Variants in RAB3C observed in about 807,000 individuals in gnomAD.
RAB3C encodes RAB3C, member RAS oncogene family.
In RAB3C, 17 loss-of-function variants were observed where a neutral mutation model predicts 26.4. The ratio of observed to expected loss-of-function variants is 0.64; its 90% CI spans 0.44 to 0.97. The LOEUF is 0.97. Among genes scored for constraint, RAB3C ranks in the 50% least tolerant of loss-of-function variants. The pLI, the probability that RAB3C is intolerant of heterozygous loss-of-function variation, is 0.00. For missense variants in RAB3C, 242 were observed against 281.9 expected (o/e 0.86, Z 1.01); for synonymous variants, 91 against 95.9 (o/e 0.95, Z 0.30).
chr5:58,583,950 C>T (rs897157195), intron 1 of RAB3C, among the ~76,000 whole-genome samples: 2 of 152,170 alleles, frequency 1.3e-5, no homozygotes, highest in Non-Finnish European at 2.9e-5. Context: ...TGCAGAAGTA[C>T]CACTGCCTAA....
chr5:58,708,874 A>G (rs969604737), intron 2 of RAB3C, among the ~76,000 whole-genome samples: 2 of 152,194 alleles, frequency 1.3e-5, no homozygotes, highest in Non-Finnish European at 2.9e-5. Flanking sequence ...AAAGAATTAA[A>G]TTTTGCTGTA....
chr5:58,586,462 A>C (rs1053887450), intron 1 of RAB3C, among the ~76,000 whole-genome samples: 3 of 152,106 alleles, frequency 2.0e-5, no homozygotes, highest in Admixed American at 2.0e-4. Context: ...AATTGGCCCT[A>C]TCTTCTTCTT....
At chr5:58,845,340 T>C (rs907763881) in intron 4 of RAB3C, among the ~76,000 whole-genome samples, 4 of 152,038 alleles carry the variant, frequency 2.6e-5, no homozygotes, top group Non-Finnish European at 5.9e-5. Flanking sequence ...TGTGGGTTCA[T>C]GTTCTTCACG....
At chr5:58,833,455 C>T (rs950682748) in intron 4 of RAB3C, among the ~76,000 whole-genome samples, 7 of 151,764 alleles carry the variant, frequency 4.6e-5, no homozygotes, top group African/African-American at 1.7e-4. Flanking sequence ...GGTTGAGAAC[C>T]CTTGATTTAG....
chr5:58,823,848 G>A (rs1049502693), intron 3 of RAB3C: 2 of 150,676 alleles, frequency 1.3e-5, no homozygotes, highest in Admixed American at 6.6e-5. Context: ...TTAGCATTAG[G>A]TATATCTCCT....
At chr5:58,714,299 C>CTAA (rs1749123174) in intron 2 of RAB3C, among the ~76,000 whole-genome samples, 1 of 151,984 alleles carries the variant, frequency 6.6e-6, no homozygotes, top group Non-Finnish European at 1.5e-5. Context: ...ATGGTATCAA[C>CTAA]TAAAGCCTGA....
intron 4 of RAB3C, among the ~76,000 whole-genome samples, chr5:58,845,530 G>A (rs1833810): frequency 0.5 from 72,233 of 145,688 alleles, 18,352 homozygotes; most frequent in Middle Eastern, 0.66. Context: ...ATCGGCCATG[G>A]GGTTTCTCAG....
intron 3 of RAB3C, among the ~76,000 whole-genome samples, chr5:58,751,705 T>G (rs929688010): frequency 2.0e-5 from 3 of 152,260 alleles, no homozygotes; most frequent in African/African-American, 7.2e-5. Flanking sequence ...ATGTTAGTCA[T>G]ATTACTTGAA....
intron 2 of RAB3C, among the ~76,000 whole-genome samples, chr5:58,702,990 G>A (rs1466233068): frequency 6.6e-6 from 1 of 152,014 alleles, no homozygotes; most frequent in Non-Finnish European, 1.5e-5. Context: ...AAAATACAAG[G>A]CAACCTATAT....
chr5:58,671,843 G>C (rs1364750326), intron 2 of RAB3C, among the ~76,000 whole-genome samples: 1 of 152,018 alleles, frequency 6.6e-6, no homozygotes. Context: ...AGTTTATTTA[G>C]AAATACTGAG....
At chr5:58,726,459 G>C (rs1740890184) in intron 3 of RAB3C, among the ~76,000 whole-genome samples, 1 of 151,936 alleles carries the variant, frequency 6.6e-6, no homozygotes, top group African/African-American at 2.4e-5. Context: ...TAGGGATCTA[G>C]AAACTATGGC....
chr5:58,734,601 G>T (rs975336246), intron 3 of RAB3C, among the ~76,000 whole-genome samples: 22 of 152,072 alleles, frequency 1.4e-4, no homozygotes, highest in African/African-American at 5.1e-4. Context: ...AAAATAGAGG[G>T]CTCCTAATCC....
chr5:58,798,982 T>C (rs987160716), intron 3 of RAB3C, among the ~76,000 whole-genome samples: 9 of 152,032 alleles, frequency 5.9e-5, no homozygotes, highest in African/African-American at 2.2e-4. Flanking sequence ...GCTGAGACAA[T>C]AGCTAAATGT....
At chr5:58,625,029 G>A (rs1336338559) in intron 2 of RAB3C, among the ~76,000 whole-genome samples, 2 of 152,166 alleles carry the variant, frequency 1.3e-5, no homozygotes, top group Non-Finnish European at 2.9e-5. Context: ...TTACAAATGA[G>A]TAAACTGAGG....
At chr5:58,591,299 G>A (rs1246078708) in intron 1 of RAB3C, among the ~76,000 whole-genome samples, 1 of 151,738 alleles carries the variant, frequency 6.6e-6, no homozygotes, top group Non-Finnish European at 1.5e-5. Context: ...ATCGATTTTT[G>A]GTCTATTTAT....
At chr5:58,654,224 T>G (rs376370062) in intron 2 of RAB3C, among the ~76,000 whole-genome samples, 2 of 152,152 alleles carry the variant, frequency 1.3e-5, no homozygotes, top group Non-Finnish European at 2.9e-5. Context: ...ATGTAGGTAA[T>G]GAAGTATTGC....
chr5:58,723,162 T>C (rs1322102051), intron 2 of RAB3C, among the ~76,000 whole-genome samples: 1 of 151,882 alleles, frequency 6.6e-6, no homozygotes, highest in Non-Finnish European at 1.5e-5. Flanking sequence ...CTACTTTTTT[T>C]ATATTCAAGG....
In RAB3C at chr5:58,851,422, A is replaced by T; in HGVS notation, c.*71A>T. 1.6e-6 allele frequency: 2 copies of T among 1,256,108 alleles called. No individual in the cohort carries two copies. Among genetic ancestry groups the T allele is most frequent in the Non-Finnish European group, 1.1e-6 (1 of 906,352 alleles). 77.8% of individuals were successfully genotyped at this position (1,256,108 alleles called of 1,614,324 possible). A position where few individuals can be genotyped will look rare whatever the true frequency, so the allele number is the denominator to read the frequency against. On this transcript the variant is annotated 3_prime_UTR_variant, in exon 5 of 5. Transcript: ENST00000282878. Reference sequence around the variant, plus strand: ...AAACAGCATTTGTAAATGGTCTATTAGCCTTCATTTATACTGCCTAACAAT... The same window carrying T: ...AAACAGCATTTGTAAATGGTCTATTTGCCTTCATTTATACTGCCTAACAAT...
chr5:58,799,321 A>T (rs1425104007), intron 3 of RAB3C, among the ~76,000 whole-genome samples: 1 of 152,156 alleles, frequency 6.6e-6, no homozygotes, highest in Non-Finnish European at 1.5e-5. Context: ...AACTAGATGT[A>T]TGGCAACTTC....
Sources: allele counts gnomAD v4.1 joint callset (sites outside exome capture counted in the v4.1 genomes callset), GRCh38; gene constraint gnomAD v4.1.1; transcripts MANE v1.5; gene names NCBI Gene and HGNC (gene_info 2026-07-23, HGNC 2026-07-21).